Variants in HPSE2 observed in about 807,000 individuals in gnomAD.
HPSE2 encodes the protein heparanase 2 (inactive).
Under a neutral mutation model 60.5 loss-of-function variants are expected in HPSE2, and 38 were observed. The observed-to-expected ratio is 0.63, with a 90% CI of 0.48 to 0.82. The LOEUF is 0.82. Among genes scored for constraint, HPSE2 ranks in the 40% least tolerant of loss-of-function variants. HPSE2 has a pLI of 0.00. For synonymous variants in HPSE2, 295 were observed against 293.2 expected, an observed-to-expected ratio of 1.01 and a Z score of -0.06; for missense variants, 713 against 740.4, an observed-to-expected ratio of 0.96 and a Z score of 0.43.
chr10:99,157,926 T>A, intron 2 of HPSE2, among the ~76,000 whole-genome samples: 2 of 103,282 alleles, frequency 1.9e-5, no homozygotes, highest in Non-Finnish European at 4.8e-5. Context: ...AACAACCCCA[T>A]CAAAAAGTGG....
intron 3 of HPSE2, among the ~76,000 whole-genome samples, chr10:98,866,446 T>C (rs896892694): frequency 6.6e-6 from 1 of 152,032 alleles, no homozygotes; most frequent in African/African-American, 2.4e-5. Context: ...CAGAAAAATA[T>C]ATTTGAAGAA....
the HPSE2 span, among the ~76,000 whole-genome samples, chr10:99,249,351 A>G: frequency 2.0e-5 from 3 of 152,206 alleles, no homozygotes; most frequent in Admixed American, 6.5e-5. Flanking sequence ...ATGGAGTCAA[A>G]GGAGATTATT....
intron 3 of HPSE2, among the ~76,000 whole-genome samples, chr10:98,849,826 C>A (rs540656497): frequency 6.2e-4 from 94 of 151,930 alleles, no homozygotes; most frequent in Admixed American, 1.9e-3. Flanking sequence ...CTCACTGCAA[C>A]CTCCGCCTCC....
chr10:99,289,355 G>GT, the HPSE2 span, among the ~76,000 whole-genome samples: 5 of 150,774 alleles, frequency 3.3e-5, no homozygotes, highest in Admixed American at 6.6e-5. Flanking sequence ...GACATCATCT[G>GT]TTTTTTTTTT....
At chr10:99,169,319 C>T (rs891564007) in intron 2 of HPSE2, among the ~76,000 whole-genome samples, 3 of 148,026 alleles carry the variant, frequency 2.0e-5, no homozygotes, top group Admixed American at 1.4e-4. Context: ...TCCTGGCTAA[C>T]GTGGTGAAAC....
intron 9 of HPSE2, among the ~76,000 whole-genome samples, chr10:98,559,688 CTT>C (rs1944115843): frequency 6.6e-6 from 1 of 152,168 alleles, no homozygotes; most frequent in Non-Finnish European, 1.5e-5. Context: ...ACGGGATAGT[CTT>C]TGTCCTGAGG....
At chr10:98,695,200 G>C (rs1948180527) in intron 5 of HPSE2, among the ~76,000 whole-genome samples, 1 of 151,896 alleles carries the variant, frequency 6.6e-6, no homozygotes, top group African/African-American at 2.4e-5. Context: ...TAAAAGGAGA[G>C]GAAAAGAAGA....
At chr10:98,782,517 A>G (rs2134456898) in intron 3 of HPSE2, among the ~76,000 whole-genome samples, 1 of 143,092 alleles carries the variant, frequency 7.0e-6, no homozygotes. Context: ...GTGGAAGGAG[A>G]GAAGACAATT....
chr10:98,974,116 C>T (rs1289049195), intron 3 of HPSE2, among the ~76,000 whole-genome samples: 1 of 151,898 alleles, frequency 6.6e-6, no homozygotes, highest in Non-Finnish European at 1.5e-5. Flanking sequence ...CATGGAAAAA[C>T]CCCATCTCTA....
At chr10:99,268,407 G>C in the HPSE2 span, among the ~76,000 whole-genome samples, 4 of 152,122 alleles carry the variant, frequency 2.6e-5, no homozygotes, top group African/African-American at 9.7e-5. Flanking sequence ...ACTTTGGGAG[G>C]CTGAGCTGGG....
chr10:99,241,117 A>T, the HPSE2 span, among the ~76,000 whole-genome samples: 1 of 152,202 alleles, frequency 6.6e-6, no homozygotes, highest in Non-Finnish European at 1.5e-5. Context: ...TAACTTTCTC[A>T]TGGTACACAG....
At chr10:98,989,649 A>G (rs1956473389) in intron 3 of HPSE2, among the ~76,000 whole-genome samples, 1 of 147,320 alleles carries the variant, frequency 6.8e-6, no homozygotes, top group African/African-American at 2.4e-5. Flanking sequence ...AGTATAATAA[A>G]AAAAAAAAAG....
At chr10:98,641,808 C>T in intron 7 of HPSE2, 39 bp downstream of exon 7, 5 of 1,448,340 alleles carry the variant, frequency 3.5e-6, no homozygotes, top group Non-Finnish European at 4.9e-6. Flanking sequence ...GTCTTACCCC[C>T]AGAATCGCTC....
At chr10:99,136,500 T>C (rs1845660288) in intron 3 of HPSE2, among the ~76,000 whole-genome samples, 3 of 152,290 alleles carry the variant, frequency 2.0e-5, no homozygotes, top group East Asian at 3.9e-4. Context: ...AATAAAATAC[T>C]GGCAAACCGA....
At chr10:98,733,248 G>A (rs1949272139) in intron 4 of HPSE2, among the ~76,000 whole-genome samples, 1 of 152,062 alleles carries the variant, frequency 6.6e-6, no homozygotes, top group Non-Finnish European at 1.5e-5. Flanking sequence ...AGCCACCTGA[G>A]TAGCTGAGCC....
intron 7 of HPSE2, among the ~76,000 whole-genome samples, chr10:98,623,757 T>C (rs1946133045): frequency 6.6e-6 from 1 of 152,206 alleles, no homozygotes; most frequent in Non-Finnish European, 1.5e-5. Flanking sequence ...TAGTATTTTA[T>C]AATGCTAATG....
chr10:98,881,823 C>T lies in HPSE2; in HGVS notation c.611-137767G>A, dbSNP rs75838921. The stretch of plus-strand genomic sequence containing the variant: ...CCAAACATTCTCTTGAGTGCTTATA[C>T]TAGTTTTTGTTGCATAACTGTGTAG... On this transcript the variant is annotated intron_variant, in intron 3 of 11. Transcript: ENST00000370552. Among the ~76,000 whole-genome samples, 1,088 of 152,166 alleles carry T rather than the reference C, an allele frequency of 7.2e-3. 15 individuals are homozygous for T. Among genetic ancestry groups the T allele is most frequent in the African/African-American group, 0.024 (997 of 41,528 alleles).
At chr10:98,773,471 G>T (rs908411602) in intron 3 of HPSE2, among the ~76,000 whole-genome samples, 1 of 152,144 alleles carries the variant, frequency 6.6e-6, no homozygotes, top group Admixed American at 6.5e-5. Context: ...ATTCCCTGCT[G>T]TAAACTCCAA....
chr10:98,738,471 C>T (rs1370204864), intron 4 of HPSE2, among the ~76,000 whole-genome samples: 1 of 152,148 alleles, frequency 6.6e-6, no homozygotes, highest in Non-Finnish European at 1.5e-5. Context: ...CCAAAATTGA[C>T]AAATGGGATC....
Sources: gnomAD v4.1 joint callset for allele counts (sites outside exome capture counted in the v4.1 genomes callset) on GRCh38, gnomAD v4.1.1 for gene constraint, MANE v1.5 for transcripts, NCBI Gene and HGNC (gene_info 2026-07-23, HGNC 2026-07-21) for gene names.